Variants in ZBBX observed in about 807,000 individuals in gnomAD.
ZBBX encodes zinc finger B-box domain-containing protein 1.
ZBBX carries 101 observed loss-of-function variants against 108.5 expected under a neutral mutation model. The ratio of observed to expected loss-of-function variants is 0.93; its 90% CI spans 0.79 to 1.10. The LOEUF (loss-of-function observed/expected upper bound fraction) is 1.10. ZBBX is among the 50% of genes least tolerant of loss of function. The probability of loss-of-function intolerance (pLI) is 0.00; values close to 1 mark genes in which losing one functional copy is unlikely to be tolerated. For synonymous variants in ZBBX, 356 were observed against 323.4 expected (o/e 1.10, Z -1.08); for missense variants, 1,009 against 941.4 (o/e 1.07, Z -0.94).
At chr3:167,320,799 C>A (rs748396064) in intron 12 of ZBBX, among the ~76,000 whole-genome samples, 3 of 151,898 alleles carry the variant, frequency 2.0e-5, no homozygotes, top group Non-Finnish European at 4.4e-5. Flanking sequence ...CAGTGTATAA[C>A]CTCAGTCTAA....
chr3:167,259,858 T>A (rs1724161122), intron 20 of ZBBX, among the ~76,000 whole-genome samples: 1 of 152,168 alleles, frequency 6.6e-6, no homozygotes, highest in Non-Finnish European at 1.5e-5. Flanking sequence ...TTTCAATTTT[T>A]AAAAAATTTA....
intron 20 of ZBBX, among the ~76,000 whole-genome samples, chr3:167,252,400 T>C (rs1722771528): frequency 6.6e-6 from 1 of 152,212 alleles, no homozygotes; most frequent in African/African-American, 2.4e-5. Flanking sequence ...GTTCTGCTCA[T>C]TGACGCAAAA....
intron 9 of ZBBX, among the ~76,000 whole-genome samples, chr3:167,345,406 ATAAGT>A (rs1352970056): frequency 1.3e-5 from 2 of 151,960 alleles, no homozygotes; most frequent in African/African-American, 2.4e-5. Flanking sequence ...TATTTAAGAA[ATAAGT>A]TAAAAATATG....
intron 19 of ZBBX, among the ~76,000 whole-genome samples, chr3:167,285,619 C>A (rs1187989020): frequency 6.6e-6 from 1 of 152,050 alleles, no homozygotes; most frequent in African/African-American, 2.4e-5. Context: ...CTGTGAAATA[C>A]AAAATTCAGG....
intron 6 of ZBBX, among the ~76,000 whole-genome samples, chr3:167,364,196 A>AC (rs1744974729): frequency 6.6e-6 from 1 of 151,734 alleles, no homozygotes; most frequent in East Asian, 1.9e-4. Context: ...CAAAAAAAAA[A>AC]AATACGCAAA....
chr3:167,295,415 T>C (rs1731465438), intron 18 of ZBBX, among the ~76,000 whole-genome samples: 1 of 151,774 alleles, frequency 6.6e-6, no homozygotes, highest in Non-Finnish European at 1.5e-5. Context: ...CTGGAAACCA[T>C]CATTCTCAGC....
intron 2 of ZBBX, among the ~76,000 whole-genome samples, chr3:167,377,905 G>A (rs1747217872): frequency 6.6e-6 from 1 of 152,082 alleles, no homozygotes; most frequent in Non-Finnish European, 1.5e-5. Context: ...GAGGGCCCTG[G>A]TAGGAGATAA....
At chr3:167,184,315 T>A in the ZBBX span, among the ~76,000 whole-genome samples, 1 of 152,168 alleles carries the variant, frequency 6.6e-6, no homozygotes, top group South Asian at 2.1e-4. Flanking sequence ...TTGACCTTTG[T>A]GTTGAGATGT....
chr3:167,357,649 A>G (rs1743806459), intron 8 of ZBBX, among the ~76,000 whole-genome samples: 1 of 152,234 alleles, frequency 6.6e-6, no homozygotes, highest in Admixed American at 6.5e-5. Context: ...TATGGCACAT[A>G]CATACAAAGG....
intron 12 of ZBBX, among the ~76,000 whole-genome samples, chr3:167,320,514 A>G (rs1736264425): frequency 6.6e-6 from 1 of 152,032 alleles, no homozygotes; most frequent in African/African-American, 2.4e-5. Context: ...AGAGCAGGAG[A>G]GTACTAACTG....
intron 9 of ZBBX, among the ~76,000 whole-genome samples, chr3:167,338,456 T>C (rs1411633647): frequency 6.6e-6 from 1 of 151,898 alleles, no homozygotes; most frequent in South Asian, 2.1e-4. Context: ...ACCATCATCA[T>C]CCAAAACTCT....
At chr3:167,191,779 T>G in the ZBBX span, among the ~76,000 whole-genome samples, 1 of 151,574 alleles carries the variant, frequency 6.6e-6, no homozygotes, top group Non-Finnish European at 1.5e-5. Flanking sequence ...GATCTTGTTG[T>G]GAAGGCCCTC....
chr3:167,277,258 T>G (rs1452790741), intron 20 of ZBBX, among the ~76,000 whole-genome samples: 1 of 151,850 alleles, frequency 6.6e-6, no homozygotes, highest in Non-Finnish European at 1.5e-5. Context: ...TAACTTTAAA[T>G]GTAAATGGAC....
At chr3:167,189,678 G>A in the ZBBX span, among the ~76,000 whole-genome samples, 2 of 152,140 alleles carry the variant, frequency 1.3e-5, no homozygotes, top group African/African-American at 2.4e-5. Flanking sequence ...AAAATTTAGA[G>A]GAACATACAG....
the ZBBX span, among the ~76,000 whole-genome samples, chr3:167,195,302 C>T: frequency 6.6e-6 from 1 of 152,142 alleles, no homozygotes; most frequent in South Asian, 2.1e-4. Context: ...TTATCACTAA[C>T]TCAGCTTAAC....
At chr3:167,268,495 G>A (rs955537289) in intron 20 of ZBBX, among the ~76,000 whole-genome samples, 1 of 151,744 alleles carries the variant, frequency 6.6e-6, no homozygotes, top group African/African-American at 2.4e-5. Flanking sequence ...TAAGGGAGAT[G>A]ATAATAAAGA....
intron 1 of ZBBX, among the ~76,000 whole-genome samples, chr3:167,393,058 A>G (rs934811958): frequency 6.6e-6 from 1 of 151,818 alleles, no homozygotes; most frequent in Admixed American, 6.6e-5. Flanking sequence ...AGATGTAAGT[A>G]TAACTAGAAG....
At position 167,352,956 on chromosome 3, in the gene ZBBX, C is replaced by A. The variant is rs116751845; in HGVS notation, c.433-2441G>T. On this transcript the variant is annotated intron_variant, in intron 8 of 21. Coordinates refer to ENST00000675490, the MANE Select transcript of ZBBX (RefSeq NM_001199201.2). ...TGATAAAAACCCTCAACGACCTAGG[C>A]ACAGAAGAAACATTCACAAAATAAT... is the stretch of plus-strand genomic sequence containing the variant. 8.8e-3 allele frequency among the ~76,000 whole-genome samples: 1,346 copies of A among 152,126 alleles called. 26 individuals are homozygous for A. The highest frequency in any genetic ancestry group is 0.031 in the African/African-American group (1,287 of 41,514).
intron 9 of ZBBX, among the ~76,000 whole-genome samples, chr3:167,337,639 T>C (rs1739792204): frequency 1.3e-5 from 2 of 152,138 alleles, no homozygotes; most frequent in African/African-American, 2.4e-5. Flanking sequence ...GTAACTACTG[T>C]TAACAGTTTT....
Sources: gnomAD v4.1 joint callset for allele counts (sites outside exome capture counted in the v4.1 genomes callset) on GRCh38, gnomAD v4.1.1 for gene constraint, MANE v1.5 for transcripts, NCBI Gene and HGNC (gene_info 2026-07-23, HGNC 2026-07-21) for gene names.